Variants in DLG2 observed in about 807,000 individuals in gnomAD.
DLG2 encodes disks large homolog 2.
A neutral mutation model predicts 132.5 loss-of-function variants in DLG2; 45 were observed. The ratio of observed to expected loss-of-function variants is 0.34; its 90% CI spans 0.27 to 0.44. The LOEUF is 0.44. Ranked by LOEUF, DLG2 falls within the 20% of genes least tolerant of loss-of-function variation. DLG2 has a pLI of 1.00. For missense variants in DLG2, 1,045 were observed against 1,196.9 expected, an observed-to-expected ratio of 0.87 and a Z score of 1.87; for synonymous variants, 424 against 419.6, an observed-to-expected ratio of 1.01 and a Z score of -0.13.
At chr11:83,639,126 T>A (rs1307441577) in intron 18 of DLG2, among the ~76,000 whole-genome samples, 1 of 152,194 alleles carries the variant, frequency 6.6e-6, no homozygotes, top group Non-Finnish European at 1.5e-5. Context: ...TGGCTTACTT[T>A]GGTTCTGAGA....
At chr11:85,018,475 C>T (rs546072068) in intron 6 of DLG2, among the ~76,000 whole-genome samples, 1 of 152,264 alleles carries the variant, frequency 6.6e-6, no homozygotes, top group South Asian at 2.1e-4. Context: ...TGGAAAGATA[C>T]ATATGTCAAC....
intron 6 of DLG2, among the ~76,000 whole-genome samples, chr11:84,815,066 G>T (rs548576621): frequency 1.4e-4 from 21 of 152,182 alleles, no homozygotes; most frequent in African/African-American, 5.1e-4. Context: ...AAGGTGGAGA[G>T]CAAGACAGTA....
chr11:85,571,869 T>G (rs184813319), intron 3 of DLG2, among the ~76,000 whole-genome samples: 1 of 152,206 alleles, frequency 6.6e-6, no homozygotes. Context: ...TTAGGTGAGA[T>G]AAAGATAAAT....
chr11:85,056,848 C>G (rs1309898839), intron 6 of DLG2, among the ~76,000 whole-genome samples: 1 of 151,908 alleles, frequency 6.6e-6, no homozygotes, highest in Non-Finnish European at 1.5e-5. Flanking sequence ...TTTATATTCA[C>G]TGAAAATACA....
intron 6 of DLG2, among the ~76,000 whole-genome samples, chr11:84,925,860 A>G (rs2092958866): frequency 6.6e-6 from 1 of 152,164 alleles, no homozygotes; most frequent in Non-Finnish European, 1.5e-5. Context: ...ATTTAAATAT[A>G]AAAATTGAAA....
At chr11:85,347,250 G>A (rs2082912177) in intron 3 of DLG2, among the ~76,000 whole-genome samples, 1 of 152,004 alleles carries the variant, frequency 6.6e-6, no homozygotes, top group Admixed American at 6.5e-5. Context: ...CTCCCCCTAA[G>A]CTTGTCTTGT....
intron 6 of DLG2, among the ~76,000 whole-genome samples, chr11:84,710,797 T>G (rs2060295702): frequency 6.7e-6 from 1 of 149,972 alleles, no homozygotes; most frequent in Non-Finnish European, 1.5e-5. Context: ...TATTAGGAAT[T>G]ACACACACAC....
At chr11:84,091,952 G>C (rs955989528) in intron 10 of DLG2, among the ~76,000 whole-genome samples, 2 of 152,160 alleles carry the variant, frequency 1.3e-5, no homozygotes, top group Non-Finnish European at 2.9e-5. Context: ...TTACTACACA[G>C]CCCCCCATAG....
rs147132562 is a variant in DLG2, at chr11:84,274,164, C to G, written c.520-22873G>C. Among the ~76,000 whole-genome samples, 20 of 152,234 alleles carry G rather than the reference C, an allele frequency of 1.3e-4. 1 individual carries two copies. In the East Asian group the frequency reaches 2.7e-3, roughly 21 times the overall value. On this transcript the variant is annotated intron_variant, in intron 7 of 27. Transcript: ENST00000376104. ...TATGAACAGAATTTAGGGACATATT[C>G]TCAATTCCCTTCACCAAGGACAGTA... is the stretch of plus-strand genomic sequence containing the variant.
rs144704518 is a variant in DLG2, at chr11:85,474,515, T to C, written c.40+124142A>G. Among the ~76,000 whole-genome samples the C allele has an allele frequency of 2.9e-3, 443 of 152,046 alleles. 7 individuals are homozygous for C. The highest frequency in any genetic ancestry group is 6.8e-3 in the Middle Eastern group (2 of 292). On this transcript the variant is annotated intron_variant, in intron 3 of 27. Coordinates refer to ENST00000376104, the MANE Select transcript of DLG2 (RefSeq NM_001142699.3). Reference sequence around the variant, plus strand: ...TGTTCTAAAGGATTAGATTTTAAAATACTAACTATTTGAGAATAAATTCTT... The same window carrying C: ...TGTTCTAAAGGATTAGATTTTAAAACACTAACTATTTGAGAATAAATTCTT...
At chr11:84,944,994 T>A (rs905606521) in intron 6 of DLG2, among the ~76,000 whole-genome samples, 1 of 152,236 alleles carries the variant, frequency 6.6e-6, no homozygotes, top group Admixed American at 6.5e-5. Flanking sequence ...GAATTCTTTG[T>A]CTGAAAGGTC....
chr11:85,231,818 C>G (rs1237430671), intron 4 of DLG2, among the ~76,000 whole-genome samples: 3 of 151,914 alleles, frequency 2.0e-5, no homozygotes, highest in African/African-American at 7.2e-5. Flanking sequence ...ACATGTTCAG[C>G]AAAGTCCTTC....
chr11:84,546,162 G>A (rs1383348490), intron 6 of DLG2, among the ~76,000 whole-genome samples: 5 of 152,108 alleles, frequency 3.3e-5, no homozygotes, highest in Admixed American at 3.3e-4. Context: ...CTGGAGGTGG[G>A]GCCTGGTGGG....
intron 7 of DLG2, among the ~76,000 whole-genome samples, chr11:84,305,534 T>A (rs1013026630): frequency 4.6e-5 from 7 of 152,148 alleles, no homozygotes; most frequent in Non-Finnish European, 1.0e-4. Flanking sequence ...GCAGATAAAC[T>A]GGGTCTTACT....
chr11:85,003,455 T>C (rs2058382221), intron 6 of DLG2, among the ~76,000 whole-genome samples: 1 of 152,216 alleles, frequency 6.6e-6, no homozygotes, highest in African/African-American at 2.4e-5. Flanking sequence ...GTTTTTATTA[T>C]ATGTAAGTTG....
intron 27 of DLG2, among the ~76,000 whole-genome samples, chr11:83,460,176 T>C (rs1462767188): frequency 6.6e-6 from 1 of 152,250 alleles, no homozygotes; most frequent in Non-Finnish European, 1.5e-5. Context: ...TCTACATGTC[T>C]GTCTGTAGTA....
rs1275758545 is a variant in DLG2 at position 84,074,614 on chromosome 11, C to T, written c.750-15130G>A. On this transcript the variant is annotated intron_variant, in intron 10 of 27. Coordinates refer to ENST00000376104, the MANE Select transcript of DLG2 (RefSeq NM_001142699.3). Reference sequence around the variant, plus strand: ...CGTGATCTCGGCTCACTGCAACCTCCGCCTCCCGGGTTCACGCCATTCTCC... The same window carrying T: ...CGTGATCTCGGCTCACTGCAACCTCTGCCTCCCGGGTTCACGCCATTCTCC... Among the ~76,000 whole-genome samples the T allele has an allele frequency of 7.3e-5, 11 of 151,314 alleles. No individual in the cohort carries two copies. The South Asian group carries it at 8.4e-4, about 12-fold the overall frequency.
At chr11:84,928,017 T>G (rs1255160580) in intron 6 of DLG2, among the ~76,000 whole-genome samples, 2 of 151,954 alleles carry the variant, frequency 1.3e-5, no homozygotes, top group Non-Finnish European at 2.9e-5. Flanking sequence ...AGAGGAAAAT[T>G]GATGGCTTTG....
chr11:85,614,028 A>G (rs1425421029), intron 2 of DLG2, among the ~76,000 whole-genome samples: 3 of 152,228 alleles, frequency 2.0e-5, no homozygotes, highest in Non-Finnish European at 4.4e-5. Flanking sequence ...CAGCGAGACC[A>G]TGAACCCACC....
Sources: gnomAD v4.1 joint callset for allele counts (sites outside exome capture counted in the v4.1 genomes callset) on GRCh38, gnomAD v4.1.1 for gene constraint, MANE v1.5 for transcripts, NCBI Gene and HGNC (gene_info 2026-07-23, HGNC 2026-07-21) for gene names.